Variants in WDFY3 observed in about 807,000 individuals in gnomAD.
The protein encoded by WDFY3 is WD repeat and FYVE domain-containing protein 3.
A neutral mutation model predicts 409.6 loss-of-function variants in WDFY3; 66 were observed. That is an observed-to-expected ratio of 0.16 (90% CI 0.13 to 0.20). The LOEUF is 0.20. Among genes scored for constraint, WDFY3 ranks in the 10% least tolerant of loss-of-function variants. The probability of loss-of-function intolerance (pLI) is 1.00; values close to 1 mark genes in which losing one functional copy is unlikely to be tolerated. For synonymous variants in WDFY3, 1,521 were observed against 1,537.1 expected (o/e 0.99, Z 0.25); for missense variants, 3,031 against 4,298.1 (o/e 0.71, Z 8.24).
At chr4:84,825,185 G>A (rs1192092329) in intron 10 of WDFY3, among the ~76,000 whole-genome samples, 1 of 152,058 alleles carries the variant, frequency 6.6e-6, no homozygotes, top group Non-Finnish European at 1.5e-5. Flanking sequence ...AAATTGTTGT[G>A]ATTAGCTATT....
At chr4:84,850,223 T>G (rs1758695476) in intron 4 of WDFY3, among the ~76,000 whole-genome samples, 198 bp from the exon 5 acceptor site, 1 of 152,194 alleles carries the variant, frequency 6.6e-6, no homozygotes, top group Non-Finnish European at 1.5e-5. Context: ...ACATATAAAT[T>G]TGTTGAAGAA....
chr4:84,756,617 A>G (rs1741504523), intron 33 of WDFY3, among the ~76,000 whole-genome samples: 1 of 150,824 alleles, frequency 6.6e-6, no homozygotes, highest in East Asian at 1.9e-4. Context: ...AAATAAAATA[A>G]AATAAAATAA....
chr4:84,764,676 A>G (rs1343702472), intron 32 of WDFY3, among the ~76,000 whole-genome samples: 1 of 151,920 alleles, frequency 6.6e-6, no homozygotes, highest in Non-Finnish European at 1.5e-5. Context: ...CCTGGCTAAC[A>G]TGGTGAAACC....
At chr4:84,965,987 G>T (rs911266584) in intron 1 of WDFY3, 1 of 152,844 alleles carries the variant, frequency 6.5e-6, no homozygotes, top group Admixed American at 6.5e-5. Flanking sequence ...CGGAGGACTA[G>T]GGCCAGGCCG....
At chr4:84,778,360 T>TA in intron 27 of WDFY3, 143 bp downstream of exon 27, 1 of 798,432 alleles carries the variant, frequency 1.3e-6, no homozygotes. Context: ...TTCTACTTTT[T>TA]ATATTTTACT....
intron 51 of WDFY3, among the ~76,000 whole-genome samples, chr4:84,711,601 C>T (rs535298124): frequency 1.6e-4 from 24 of 152,140 alleles, no homozygotes; most frequent in African/African-American, 5.8e-4. Context: ...GCCTGTAATT[C>T]CAGCACTTTG....
chr4:84,683,887 T>G, intron 63 of WDFY3, 56 bp downstream of exon 63: 1 of 1,515,878 alleles, frequency 6.6e-7, no homozygotes, highest in Non-Finnish European at 8.9e-7. Flanking sequence ...AGCTACAAGT[T>G]TCTGGTAAAC....
In WDFY3 at chr4:84,803,436, C is replaced by A. The variant is rs751178652; in HGVS notation, c.2461G>T (p.Val821Phe). The A allele has an allele frequency of 8.1e-6, 13 of 1,613,470 alleles. No homozygotes were observed. Among genetic ancestry groups the A allele is most frequent in the Admixed American group, 5.0e-5 (3 of 59,854 alleles). The change falls in exon 16 of 68, where the codon GTT becomes TTT. Residue 821 changes from valine to phenylalanine, a missense_variant. Coordinates refer to ENST00000295888, the MANE Select transcript of WDFY3 (RefSeq NM_014991.6). The stretch of plus-strand genomic sequence containing the variant: ...TCGGCAACATTTTTAGGAGGGTAAA[C>A]AGGGGGAGTTGAAACAGAATGATAT... ...HAYHSVSTPP[V>F]YPPKNVADLK... is the part of the protein sequence containing the mutation.
intron 47 of WDFY3, 86 bp downstream of exon 47, chr4:84,721,323 T>C: frequency 6.5e-7 from 1 of 1,534,706 alleles, no homozygotes; most frequent in South Asian, 1.3e-5. Flanking sequence ...ATGCATTTAC[T>C]TTCCACAGCT....
At chr4:84,696,300 A>C in intron 57 of WDFY3, 118 bp from the exon 58 acceptor site, 1 of 895,170 alleles carries the variant, frequency 1.1e-6, no homozygotes, top group Non-Finnish European at 1.7e-6. Flanking sequence ...TAAAAACAAC[A>C]TAGTATTCCC....
chr4:84,733,384 C>T lies in WDFY3; in HGVS notation c.7219G>A (p.Ala2407Thr). ...VPETEQETNV[A>T]SEIPSKQPET... Reference sequence around the variant, plus strand: ...ATCATTGAATTCTGCATACTCACCGCCACATTTGTCTCTTGCTCAGTTTCT... The same window carrying T: ...ATCATTGAATTCTGCATACTCACCGTCACATTTGTCTCTTGCTCAGTTTCT... The change falls in exon 44 of 68, where the codon GCG becomes ACG. Residue 2407 changes from alanine to threonine, a missense_variant and splice_region_variant. Transcript: ENST00000295888. 1 of 1,613,824 alleles carries T rather than the reference C, an allele frequency of 6.2e-7. No individual in the cohort carries two copies. The highest frequency in any genetic ancestry group is 8.5e-7 in the Non-Finnish European group (1 of 1,179,806).
chr4:84,775,282 G>GA (rs976474821), intron 27 of WDFY3, 144 bp from the exon 28 acceptor site: 45 of 682,616 alleles, frequency 6.6e-5, no homozygotes, highest in South Asian at 1.1e-4. Flanking sequence ...CTTATATGCA[G>GA]AAAAAAAATC....
intron 1 of WDFY3, among the ~76,000 whole-genome samples, chr4:84,965,222 TA>T (rs1342824320): frequency 6.6e-6 from 1 of 152,218 alleles, no homozygotes; most frequent in Non-Finnish European, 1.5e-5. Context: ...TGCCACTATT[TA>T]AAAAGCCCGA....
intron 27 of WDFY3, among the ~76,000 whole-genome samples, chr4:84,775,946 C>A (rs1379333332): frequency 1.3e-5 from 2 of 151,110 alleles, no homozygotes; most frequent in Non-Finnish European, 3.0e-5. Context: ...TTCTGTAATA[C>A]AGAAATGTTA....
chr4:84,736,322 C>G lies in WDFY3; in HGVS notation c.6763G>C (p.Glu2255Gln). 1 of 1,583,746 alleles carries G rather than the reference C, an allele frequency of 6.3e-7. No individual in the cohort carries two copies. The highest frequency in any genetic ancestry group is 8.6e-7 in the Non-Finnish European group (1 of 1,169,560). Residue 2255 changes from glutamate (E) to glutamine (Q), a missense_variant, in exon 42 of 68, where the codon GAA becomes CAA. By Grantham distance (29) the Glu-to-Gln change is conservative. This residue lies in a region of WDFY3 where 98 missense variants were observed against 194.9 expected (regional missense o/e 0.50). Transcript: ENST00000295888. ...TCTCCTCGACTTATGCATTTCTTTTCATGGGCTATTAAAAAATCAAATTAG... is the reference window on the plus strand; with the variant it reads ...TCTCCTCGACTTATGCATTTCTTTTGATGGGCTATTAAAAAATCAAATTAG... ...LKCWQNHLAH[E>Q]KKCISRGEAL...
chr4:84,695,499 C>CAGAGAGAGAG (rs1217791319), intron 58 of WDFY3, among the ~76,000 whole-genome samples: 71 of 73,006 alleles, frequency 9.7e-4, no homozygotes, highest in East Asian at 1.5e-3. Flanking sequence ...CACACAGAGA[C>CAGAGAGAGAG]AGAGAGAGAT....
intron 3 of WDFY3, among the ~76,000 whole-genome samples, chr4:84,894,623 C>T (rs935229501): frequency 3.9e-5 from 6 of 151,972 alleles, no homozygotes; most frequent in African/African-American, 1.5e-4. Context: ...CCTGTCTCTA[C>T]TAAAAATACA....
chr4:84,806,424 A>C (rs752664437), intron 15 of WDFY3, among the ~76,000 whole-genome samples: 15 of 152,196 alleles, frequency 9.9e-5, no homozygotes, highest in Non-Finnish European at 1.9e-4. Flanking sequence ...ATTAGGGCTC[A>C]ATCAACTAGC....
chr4:84,673,910 C>T (rs1725836720), intron 67 of WDFY3, among the ~76,000 whole-genome samples: 1 of 152,138 alleles, frequency 6.6e-6, no homozygotes, highest in Non-Finnish European at 1.5e-5. Flanking sequence ...AGCCACTGTG[C>T]CTGGCCTTGA....
Sources: gnomAD v4.1 joint callset for allele counts (sites outside exome capture counted in the v4.1 genomes callset) on GRCh38, gnomAD v4.1.1 for gene constraint, gnomAD v4.1.1 regional missense constraint, MANE v1.5 for transcripts, NCBI Gene and HGNC (gene_info 2026-07-23, HGNC 2026-07-21) for gene names.